Variants in FBXO16 observed in about 807,000 individuals in gnomAD.
The protein encoded by FBXO16 is F-box protein 16.
Under a neutral mutation model 41.0 loss-of-function variants are expected in FBXO16, and 31 were observed. That is an observed-to-expected ratio of 0.76 (90% CI 0.57 to 1.02). FBXO16 has a LOEUF of 1.02. Ranked by LOEUF, FBXO16 falls within the 50% of genes least tolerant of loss-of-function variation. The pLI, the probability that FBXO16 is intolerant of heterozygous loss-of-function variation, is 0.00. For missense variants in FBXO16, 361 were observed against 346.2 expected (o/e 1.04, Z -0.34); for synonymous variants, 133 against 117.8 (o/e 1.13, Z -0.84).
chr8:28,430,605 G>T (rs1802591276), intron 7 of FBXO16, among the ~76,000 whole-genome samples: 1 of 152,198 alleles, frequency 6.6e-6, no homozygotes, highest in Admixed American at 6.5e-5. Context: ...GCTGTTTCAA[G>T]ATCAGCATAA....
At chr8:28,441,755 A>ACT in intron 7 of FBXO16, among the ~76,000 whole-genome samples, 1 of 92,850 alleles carries the variant, frequency 1.1e-5, no homozygotes, top group African/African-American at 4.2e-5. Flanking sequence ...AAAAAAACTA[A>ACT]AAAAAAAATA....
chr8:28,447,572 C>T lies in FBXO16; in HGVS notation c.741-299G>A, dbSNP rs1802885225. 9.9e-6 allele frequency: 3 copies of T among 301,790 alleles called. No individual in the cohort carries two copies. The South Asian group carries it at 1.4e-4, about 14-fold the overall frequency. The allele number at this position is 301,790 out of a possible 1,614,324, so 18.7% of individuals were successfully genotyped here. On this transcript the variant is annotated intron_variant, in intron 6 of 8. Coordinates refer to ENST00000380254, the MANE Select transcript of FBXO16 (RefSeq NM_172366.4). ...AGAAGGGTGGATGAGACGGTATGTA[C>T]TGGGTGCTGCCATTCCTTTCAAGAA...
intron 7 of FBXO16, among the ~76,000 whole-genome samples, chr8:28,441,126 G>A (rs531607326): frequency 1.3e-5 from 2 of 152,168 alleles, no homozygotes; most frequent in South Asian, 4.1e-4. Context: ...CGGCAAACAG[G>A]TTTAATTGGA....
intron 3 of FBXO16, among the ~76,000 whole-genome samples, chr8:28,471,901 C>G (rs1803342733): frequency 6.7e-6 from 1 of 150,000 alleles, no homozygotes; most frequent in African/African-American, 2.5e-5. Context: ...CCTTTTGAGG[C>G]ACAGATGAGA....
intron 2 of FBXO16, among the ~76,000 whole-genome samples, chr8:28,482,888 A>G (rs927277840): frequency 6.6e-6 from 1 of 152,124 alleles, no homozygotes; most frequent in Non-Finnish European, 1.5e-5. Flanking sequence ...CATGAAAATA[A>G]ACGTCTTAAG....
chr8:28,466,572 A>G (rs1803245365), intron 3 of FBXO16, among the ~76,000 whole-genome samples: 1 of 151,770 alleles, frequency 6.6e-6, no homozygotes, highest in Non-Finnish European at 1.5e-5. Context: ...TGGGTGGATC[A>G]CGAAGTCAGG....
intron 5 of FBXO16, 118 bp downstream of exon 5, chr8:28,456,648 G>C: frequency 8.8e-7 from 1 of 1,141,334 alleles, no homozygotes; most frequent in Non-Finnish European, 1.3e-6. Flanking sequence ...TGAAATCATA[G>C]TATATGTCCT....
At chr8:28,465,473 G>A (rs1585911003) in intron 3 of FBXO16, 2 of 443,522 alleles carry the variant, frequency 4.5e-6, no homozygotes, top group South Asian at 3.2e-5. Flanking sequence ...AAGTTAGCTG[G>A]GTATGGTGGT....
chr8:28,444,995 T>TGTGGAGAGTA (rs1188319851), intron 7 of FBXO16, among the ~76,000 whole-genome samples: 3 of 151,868 alleles, frequency 2.0e-5, no homozygotes, highest in African/African-American at 7.3e-5. Context: ...ACTACCATCC[T>TGTGGAGAGTA]GTGGAGAGAG....
intron 7 of FBXO16, among the ~76,000 whole-genome samples, chr8:28,440,749 A>G (rs1181941403): frequency 6.6e-6 from 1 of 152,250 alleles, no homozygotes; most frequent in Non-Finnish European, 1.5e-5. Context: ...GCAGGCAATT[A>G]AAGACTTTTG....
rs1193653373 is a variant in FBXO16 at position 28,483,597 on chromosome 8, T to C, written c.-16-135A>G. 10 of 591,128 alleles carry C rather than the reference T, an allele frequency of 1.7e-5. No homozygotes were observed. In the Admixed American group the frequency reaches 2.5e-4, roughly 14 times the overall value. The allele number at this position is 591,128 out of a possible 1,614,324, so 36.6% of individuals were successfully genotyped here. A position where few individuals can be genotyped will look rare whatever the true frequency, so the allele number is the denominator to read the frequency against. ...ACTTTGGGAGGCTGAGGTGGGCGGA[T>C]CACTTGAGGTCAAGGATTCGAGACC... On this transcript the variant is annotated intron_variant, in intron 1 of 8. Coordinates refer to ENST00000380254, the MANE Select transcript of FBXO16 (RefSeq NM_172366.4).
At chr8:28,462,911 G>A (rs1803160554) in intron 4 of FBXO16, among the ~76,000 whole-genome samples, 1 of 152,132 alleles carries the variant, frequency 6.6e-6, no homozygotes, top group African/African-American at 2.4e-5. Context: ...CTACAATTGA[G>A]GACCTTATTG....
chr8:28,448,416 A>G lies in FBXO16; in HGVS notation c.741-1143T>C, dbSNP rs563287853. 4.6e-5 allele frequency among the ~76,000 whole-genome samples: 7 copies of G among 152,202 alleles called. No individual in the cohort carries two copies. In the East Asian group the frequency reaches 1.2e-3, roughly 25 times the overall value. On this transcript the variant is annotated intron_variant, in intron 6 of 8. Coordinates refer to ENST00000380254, the MANE Select transcript of FBXO16 (RefSeq NM_172366.4). Reference sequence around the variant, plus strand: ...CAGGTAATATGGAGGAACAGGAACCAAAAGTTAGATTTCTCCAAGTATAGC... The same window carrying G: ...CAGGTAATATGGAGGAACAGGAACCGAAAGTTAGATTTCTCCAAGTATAGC...
In FBXO16 at chr8:28,471,937, GTTGTATC is replaced by G. The variant is rs1803343348; in HGVS notation, c.135+1828_135+1834del. Among the ~76,000 whole-genome samples the G allele has an allele frequency of 2.0e-5, 3 of 151,590 alleles. No homozygotes were observed. The South Asian group carries it at 6.3e-4, about 32-fold the overall frequency. ...AAGTCCTAGTTTTTGATGAAGGATAGTTGTATCTTGTTAGGTAAAAACATAACATTGT... is the reference window on the plus strand; with the variant it reads ...AAGTCCTAGTTTTTGATGAAGGATAGTTGTTAGGTAAAAACATAACATTGT... On this transcript the variant is annotated intron_variant, in intron 3 of 8. Transcript: ENST00000380254.
chr8:28,481,070 C>T (rs938912744), intron 2 of FBXO16, among the ~76,000 whole-genome samples: 9 of 151,982 alleles, frequency 5.9e-5, no homozygotes, highest in African/African-American at 1.9e-4. Flanking sequence ...CCGAGCCGGG[C>T]CTGGGCATCA....
intron 2 of FBXO16, among the ~76,000 whole-genome samples, chr8:28,481,811 G>GAA (rs71549671): frequency 0.15 from 19,166 of 130,650 alleles, 2,291 homozygotes; most frequent in African/African-American, 0.34. Context: ...TCTGTTTCAG[G>GAA]AAAAAAAAAA....
intron 1 of FBXO16, among the ~76,000 whole-genome samples, chr8:28,487,266 C>T (rs748627188): frequency 4.6e-5 from 7 of 152,002 alleles, no homozygotes; most frequent in South Asian, 2.1e-4. Flanking sequence ...CGTCCTGCCT[C>T]GTCTCTTGCT....
At chr8:28,472,298 G>A (rs1585916003) in intron 3 of FBXO16, among the ~76,000 whole-genome samples, 1 of 152,066 alleles carries the variant, frequency 6.6e-6, no homozygotes, top group African/African-American at 2.4e-5. Context: ...GGGTCTAACT[G>A]TTATGTTGCC....
rs1440989008 is a variant in FBXO16 at position 28,465,368 on chromosome 8, A to G, written c.136-1550T>C. 19 of 450,246 alleles carry G rather than the reference A, an allele frequency of 4.2e-5. No individual in the cohort carries two copies. In the Admixed American group the frequency reaches 4.5e-4, roughly 11 times the overall value. 27.9% of individuals were successfully genotyped at this position (450,246 alleles called of 1,614,324 possible). On this transcript the variant is annotated intron_variant, in intron 3 of 8. Coordinates refer to ENST00000380254, the MANE Select transcript of FBXO16 (RefSeq NM_172366.4). ...CCCCGTGTGGTGGCTCATGTCTGTAATCTCAGCACTTTGGGAGGCAGAGGC... is the reference window on the plus strand; with the variant it reads ...CCCCGTGTGGTGGCTCATGTCTGTAGTCTCAGCACTTTGGGAGGCAGAGGC...
Sources: gnomAD v4.1 joint callset for allele counts (sites outside exome capture counted in the v4.1 genomes callset) on GRCh38, gnomAD v4.1.1 for gene constraint, MANE v1.5 for transcripts, NCBI Gene and HGNC (gene_info 2026-07-23, HGNC 2026-07-21) for gene names.